CDH12: variants seen among roughly 807,000 people sequenced by gnomAD.
CDH12 encodes the protein cadherin 12.
CDH12 carries 41 observed loss-of-function variants against 74.1 expected under a neutral mutation model. That is an observed-to-expected ratio of 0.55 (90% confidence interval 0.43 to 0.72). The LOEUF (loss-of-function observed/expected upper bound fraction) is 0.72. Ranked by LOEUF, CDH12 falls within the 30% of genes least tolerant of loss-of-function variation. The probability of loss-of-function intolerance (pLI) is 0.00; values close to 1 mark genes in which losing one functional copy is unlikely to be tolerated. For synonymous variants in CDH12, 399 were observed against 355.0 expected (o/e 1.12, Z -1.39); for missense variants, 945 against 977.2 (o/e 0.97, Z 0.44).
At chr5:22,836,706 T>G (rs899348413) in intron 1 of CDH12, among the ~76,000 whole-genome samples, 1 of 152,220 alleles carries the variant, frequency 6.6e-6, no homozygotes, top group Non-Finnish European at 1.5e-5. Flanking sequence ...TTAAACAAAG[T>G]TGTAAGTTTC....
intron 1 of CDH12, among the ~76,000 whole-genome samples, chr5:22,681,947 T>A (rs1280879623): frequency 6.6e-6 from 1 of 151,738 alleles, no homozygotes; most frequent in Non-Finnish European, 1.5e-5. Context: ...ATGAAATCCA[T>A]CAAACAGTAA....
intron 1 of CDH12, among the ~76,000 whole-genome samples, chr5:22,672,060 A>T (rs1404139377): frequency 7.1e-6 from 1 of 141,032 alleles, no homozygotes; most frequent in Non-Finnish European, 1.5e-5. Flanking sequence ...AAATATATAT[A>T]TTTATTCTTT....
intron 6 of CDH12, among the ~76,000 whole-genome samples, chr5:21,891,031 G>C (rs966491944): frequency 6.6e-6 from 1 of 151,960 alleles, no homozygotes; most frequent in Non-Finnish European, 1.5e-5. Context: ...TCCAATAAAT[G>C]ATGATAAGCC....
At chr5:22,546,444 C>A (rs1738333206) in intron 1 of CDH12, among the ~76,000 whole-genome samples, 1 of 152,142 alleles carries the variant, frequency 6.6e-6, no homozygotes, top group Admixed American at 6.6e-5. Flanking sequence ...TCATAAATTT[C>A]TGTGTATAAA....
chr5:22,145,698 C>G (rs1369321947), intron 4 of CDH12, among the ~76,000 whole-genome samples: 4 of 152,042 alleles, frequency 2.6e-5, no homozygotes, highest in Non-Finnish European at 5.9e-5. Flanking sequence ...TATTTCATCT[C>G]CAAAATGGTA....
At chr5:22,263,090 C>G (rs1256075436) in intron 3 of CDH12, among the ~76,000 whole-genome samples, 3 of 151,970 alleles carry the variant, frequency 2.0e-5, no homozygotes, top group Non-Finnish European at 2.9e-5. Flanking sequence ...TGAAAAAATG[C>G]TCATCATCAC....
At position 21,933,249 on chromosome 5, in the gene CDH12, A is replaced by G; in HGVS notation, c.526+41842T>C. Reference sequence around the variant, plus strand: ...TATTTGTGCTATTATTAATTTTATTATGTTGAACATCAGTTATCTCTTTTT... The same window carrying G: ...TATTTGTGCTATTATTAATTTTATTGTGTTGAACATCAGTTATCTCTTTTT... On this transcript the variant is annotated intron_variant, in intron 6 of 14. Transcript: ENST00000382254. Among the ~76,000 whole-genome samples, 3 of 152,224 alleles carry G rather than the reference A, an allele frequency of 2.0e-5. No homozygotes were observed. The Middle Eastern group carries it at 0.01, about 518-fold the overall frequency.
chr5:21,959,931 A>AAT (rs1554047805), intron 6 of CDH12, among the ~76,000 whole-genome samples: 19 of 147,256 alleles, frequency 1.3e-4, no homozygotes, highest in Admixed American at 6.8e-5. Flanking sequence ...TCTCAAAAAA[A>AAT]AAAAAAAAAA....
In CDH12 at chr5:22,161,592, G is replaced by A. The variant is rs561077925; in HGVS notation, c.-187+50906C>T. On this transcript the variant is annotated intron_variant, in intron 4 of 14. Coordinates refer to ENST00000382254, the MANE Select transcript of CDH12 (RefSeq NM_004061.5). The stretch of plus-strand genomic sequence containing the variant: ...ATGGTTGCACGTGCATGTAAGAGGC[G>A]GAGGTGGGAAGATTGGATGAGCTCA... 1.1e-4 allele frequency among the ~76,000 whole-genome samples: 17 copies of A among 152,090 alleles called. No homozygotes were observed. The South Asian group carries it at 1.2e-3, about 11-fold the overall frequency.
chr5:22,473,137 C>G (rs1276010459), intron 2 of CDH12, among the ~76,000 whole-genome samples: 1 of 152,044 alleles, frequency 6.6e-6, no homozygotes, highest in African/African-American at 2.4e-5. Flanking sequence ...GATATTTGCT[C>G]TTACAAATAT....
intron 4 of CDH12, among the ~76,000 whole-genome samples, chr5:22,186,659 C>A (rs923471730): frequency 6.6e-6 from 1 of 152,062 alleles, no homozygotes; most frequent in Middle Eastern, 3.2e-3. Context: ...TTACTGGAGG[C>A]GGCTTTTCAC....
intron 1 of CDH12, among the ~76,000 whole-genome samples, chr5:22,800,974 A>C (rs1748479807): frequency 6.6e-6 from 1 of 152,132 alleles, no homozygotes; most frequent in Non-Finnish European, 1.5e-5. Context: ...GCTTCTAAGC[A>C]TCCATAATTA....
intron 1 of CDH12, among the ~76,000 whole-genome samples, chr5:22,719,490 G>A (rs144154239): frequency 7.2e-5 from 11 of 152,248 alleles, no homozygotes; most frequent in East Asian, 1.9e-4. Context: ...TCATGAGGAC[G>A]TGAATGCATG....
Position 22,389,550 on chromosome 5 carries a change from C to T in CDH12, c.-333+15707G>A, listed in dbSNP as rs73058163. Among the ~76,000 whole-genome samples, 566 of 152,042 alleles carry T rather than the reference C, an allele frequency of 3.7e-3. 2 individuals are homozygous for T. Among genetic ancestry groups the T allele is most frequent in the African/African-American group, 0.013 (550 of 41,476 alleles). On this transcript the variant is annotated intron_variant, in intron 3 of 14. Coordinates refer to ENST00000382254, the MANE Select transcript of CDH12 (RefSeq NM_004061.5). Reference sequence around the variant, plus strand: ...CTTTTTCACGTAAAAGTGAATTTTGCTTAAAACATCAATGCAAAAACATAA... The same window carrying T: ...CTTTTTCACGTAAAAGTGAATTTTGTTTAAAACATCAATGCAAAAACATAA...
intron 1 of CDH12, among the ~76,000 whole-genome samples, chr5:22,752,641 C>T (rs4538578): frequency 5.3e-5 from 1 of 18,738 alleles, no homozygotes; most frequent in Non-Finnish European, 1.1e-4. Flanking sequence ...GCGAGATCTC[C>T]TCTCACTGCA....
chr5:21,902,280 T>C (rs573874693), intron 6 of CDH12, among the ~76,000 whole-genome samples: 1 of 150,330 alleles, frequency 6.7e-6, no homozygotes, highest in Non-Finnish European at 1.5e-5. Context: ...ATATTACATA[T>C]GTATTATATG....
chr5:21,942,361 C>T (rs374349070), intron 6 of CDH12, among the ~76,000 whole-genome samples: 11,154 of 125,016 alleles, frequency 0.089, 883 homozygotes, highest in African/African-American at 0.21. Context: ...CACACACACA[C>T]ACACACACAC....
chr5:21,906,639 T>TA (rs983162533), intron 6 of CDH12, among the ~76,000 whole-genome samples: 2 of 152,138 alleles, frequency 1.3e-5, no homozygotes, highest in South Asian at 2.1e-4. Context: ...TTGTTTTCTT[T>TA]AAAAAAATCC....
intron 1 of CDH12, among the ~76,000 whole-genome samples, chr5:22,810,832 A>G (rs952129695): frequency 6.6e-6 from 1 of 152,126 alleles, no homozygotes; most frequent in East Asian, 1.9e-4. Flanking sequence ...GCAGTGGGCT[A>G]TGATCGTACT....
Sources: allele counts gnomAD v4.1 joint callset (sites outside exome capture counted in the v4.1 genomes callset), GRCh38; gene constraint gnomAD v4.1.1; transcripts MANE v1.5; gene names NCBI Gene and HGNC (gene_info 2026-07-23, HGNC 2026-07-21).